GABRG3: variants seen among roughly 807,000 people sequenced by gnomAD.
GABRG3 encodes gamma-aminobutyric acid receptor subunit gamma-3.
A neutral mutation model predicts 48.8 loss-of-function variants in GABRG3; 25 were observed. The observed-to-expected ratio is 0.51, with a 90% CI of 0.37 to 0.72. GABRG3 has a LOEUF of 0.72. Ranked by LOEUF, GABRG3 falls within the 30% of genes least tolerant of loss-of-function variation. The pLI is 0.00. For missense variants in GABRG3, 394 were observed against 577.9 expected (o/e 0.68, Z 3.26); for synonymous variants, 227 against 217.6 (o/e 1.04, Z -0.38).
intron 3 of GABRG3, among the ~76,000 whole-genome samples, chr15:27,070,668 G>A (rs1896812324): frequency 6.6e-6 from 1 of 152,164 alleles, no homozygotes; most frequent in Non-Finnish European, 1.5e-5. Context: ...GAAAAACCTG[G>A]AATGTATTTC....
At chr15:27,171,941 C>T (rs1037036051) in intron 3 of GABRG3, among the ~76,000 whole-genome samples, 2 of 152,150 alleles carry the variant, frequency 1.3e-5, no homozygotes, top group African/African-American at 2.4e-5. Context: ...ATGGTGCTGG[C>T]ATCTGGTGAG....
intron 3 of GABRG3, among the ~76,000 whole-genome samples, chr15:27,225,386 C>T (rs1306510158): frequency 6.6e-6 from 1 of 151,966 alleles, no homozygotes; most frequent in East Asian, 1.9e-4. Context: ...GGAGCCGGTG[C>T]TTAGGGTGGA....
intron 3 of GABRG3, among the ~76,000 whole-genome samples, chr15:27,325,512 T>C (rs2140517829): frequency 6.6e-6 from 1 of 152,344 alleles, no homozygotes; most frequent in Non-Finnish European, 1.5e-5. Context: ...TGTTCCATAA[T>C]TCCTCCTCTG....
intron 5 of GABRG3, among the ~76,000 whole-genome samples, chr15:27,393,546 A>G (rs1276818357): frequency 6.6e-6 from 1 of 152,118 alleles, no homozygotes; most frequent in African/African-American, 2.4e-5. Context: ...TTCTATATCT[A>G]TATTTAATCA....
intron 2 of GABRG3, among the ~76,000 whole-genome samples, chr15:26,980,669 ACTC>A (rs1555396059): frequency 7.4e-6 from 1 of 134,442 alleles, no homozygotes; most frequent in Non-Finnish European, 1.6e-5. Flanking sequence ...ACAGAGCAAG[ACTC>A]CTCTGTCTCA....
chr15:27,428,424 C>G (rs1888355183), intron 5 of GABRG3: 1 of 152,212 alleles, frequency 6.6e-6, no homozygotes, highest in African/African-American at 2.4e-5. Flanking sequence ...CTGTCTGAAA[C>G]TATTTGACAG....
At chr15:27,531,240 G>C (rs1891416163) in intron 9 of GABRG3, among the ~76,000 whole-genome samples, 1 of 152,172 alleles carries the variant, frequency 6.6e-6, no homozygotes, top group Non-Finnish European at 1.5e-5. Flanking sequence ...ATTTAGGTCT[G>C]TCCTCACACA....
intron 3 of GABRG3, among the ~76,000 whole-genome samples, chr15:27,218,062 T>C (rs1889322479): frequency 6.6e-6 from 1 of 152,072 alleles, no homozygotes; most frequent in African/African-American, 2.4e-5. Context: ...CAGGCTGGAG[T>C]GCAACTCTGC....
At chr15:27,160,219 C>A (rs2286942) in intron 3 of GABRG3, among the ~76,000 whole-genome samples, 11,372 of 152,114 alleles carry the variant, frequency 0.075, 892 homozygotes, top group African/African-American at 0.19. Flanking sequence ...AAATAATTTC[C>A]CCTGAGAGTT....
intron 5 of GABRG3, chr15:27,362,698 T>C (rs1895062975): frequency 6.6e-6 from 1 of 152,222 alleles, no homozygotes; most frequent in Non-Finnish European, 1.5e-5. Flanking sequence ...CTCAGCATGC[T>C]GCGATGCTCC....
At chr15:27,328,422 A>G (rs1595680585) in intron 4 of GABRG3, among the ~76,000 whole-genome samples, 1 of 152,260 alleles carries the variant, frequency 6.6e-6, no homozygotes, top group Non-Finnish European at 1.5e-5. Context: ...CGATGCGTGC[A>G]TTAATTTGGC....
chr15:27,265,236 C>T (rs1044447911), intron 3 of GABRG3, among the ~76,000 whole-genome samples: 1 of 152,078 alleles, frequency 6.6e-6, no homozygotes, highest in Non-Finnish European at 1.5e-5. Flanking sequence ...CCTCTACCTC[C>T]GCTGACCCTA....
At chr15:27,029,115 A>T (rs1896035247) in intron 3 of GABRG3, among the ~76,000 whole-genome samples, 1 of 152,152 alleles carries the variant, frequency 6.6e-6, no homozygotes, top group African/African-American at 2.4e-5. Flanking sequence ...CATTTGTAAA[A>T]CTTGCCCTGA....
chr15:27,156,058 G>C (rs764682797), intron 3 of GABRG3, among the ~76,000 whole-genome samples: 1 of 151,996 alleles, frequency 6.6e-6, no homozygotes, highest in Non-Finnish European at 1.5e-5. Flanking sequence ...CCAGCACTTC[G>C]GGAGGCTGAG....
chr15:27,426,526 C>T (rs1888297484), intron 5 of GABRG3, among the ~76,000 whole-genome samples: 1 of 152,068 alleles, frequency 6.6e-6, no homozygotes, highest in African/African-American at 2.4e-5. Flanking sequence ...AAGACAAAGC[C>T]TTTCTTGGCC....
chr15:27,169,267 G>A (rs192992000), intron 3 of GABRG3, among the ~76,000 whole-genome samples: 1 of 152,342 alleles, frequency 6.6e-6, no homozygotes, highest in Admixed American at 6.5e-5. Flanking sequence ...TGCTGGGTGT[G>A]TTGGAACCTG....
At chr15:27,058,059 C>T (rs546873829) in intron 3 of GABRG3, among the ~76,000 whole-genome samples, 12 of 152,216 alleles carry the variant, frequency 7.9e-5, no homozygotes, top group Admixed American at 3.3e-4. Context: ...AGGCTTTGCC[C>T]GTGGTTGGGT....
chr15:27,433,160 G>A (rs112175577), intron 5 of GABRG3, among the ~76,000 whole-genome samples: 6,820 of 152,258 alleles, frequency 0.045, 177 homozygotes, highest in Middle Eastern at 0.11. Flanking sequence ...TTTTTCTAAC[G>A]TGGTCCTCAA....
intron 5 of GABRG3, chr15:27,364,116 A>G (rs988294275): frequency 3.3e-5 from 5 of 152,226 alleles, no homozygotes; most frequent in African/African-American, 1.2e-4. Context: ...GTAATTGTGC[A>G]GTGACTTCAG....
Sources: gnomAD v4.1 joint callset for allele counts (sites outside exome capture counted in the v4.1 genomes callset) on GRCh38, gnomAD v4.1.1 for gene constraint, MANE v1.5 for transcripts, NCBI Gene and HGNC (gene_info 2026-07-23, HGNC 2026-07-21) for gene names.